KCNT2: variants seen among roughly 807,000 people sequenced by gnomAD.
KCNT2 encodes potassium channel subfamily T member 2.
Under a neutral mutation model 153.8 loss-of-function variants are expected in KCNT2, and 67 were observed. That is an observed-to-expected ratio of 0.44 (90% CI 0.36 to 0.53). The LOEUF (loss-of-function observed/expected upper bound fraction) is 0.53, where lower values mean the gene tolerates loss of function less well. Ranked by LOEUF, KCNT2 falls within the 20% of genes least tolerant of loss-of-function variation. KCNT2 has a pLI of 0.00. For missense variants in KCNT2, 975 were observed against 1,354.8 expected (o/e 0.72, Z 4.40); for synonymous variants, 500 against 458.8 (o/e 1.09, Z -1.15).
At chr1:196,498,209 C>T (rs1013200563) in intron 1 of KCNT2, among the ~76,000 whole-genome samples, 3 of 152,100 alleles carry the variant, frequency 2.0e-5, no homozygotes, top group Non-Finnish European at 4.4e-5. Context: ...AATCAGGCCT[C>T]GTCATTTTAA....
chr1:196,462,349 C>T (rs1370598952), intron 8 of KCNT2, among the ~76,000 whole-genome samples: 1 of 151,554 alleles, frequency 6.6e-6, no homozygotes, highest in Admixed American at 6.6e-5. Context: ...GAGAGCGATG[C>T]TACCATTATC....
intron 13 of KCNT2, among the ~76,000 whole-genome samples, chr1:196,374,784 T>C (rs762266963): frequency 2.6e-5 from 4 of 151,760 alleles, no homozygotes; most frequent in Non-Finnish European, 4.4e-5. Flanking sequence ...CGGAATGTTA[T>C]TACTGTAGAA....
intron 4 of KCNT2, among the ~76,000 whole-genome samples, chr1:196,480,332 A>T (rs933962151): frequency 6.6e-6 from 1 of 152,212 alleles, no homozygotes; most frequent in Non-Finnish European, 1.5e-5. Context: ...ATTTAAAAGA[A>T]TATTAAAACA....
At chr1:196,269,465 G>A (rs1408805745) in intron 25 of KCNT2, among the ~76,000 whole-genome samples, 3 of 152,036 alleles carry the variant, frequency 2.0e-5, no homozygotes, top group Non-Finnish European at 4.4e-5. Context: ...GAAGTTTAGA[G>A]GTAAGCTCCC....
At chr1:196,416,539 C>G (rs1188811830) in intron 12 of KCNT2, among the ~76,000 whole-genome samples, 1 of 151,984 alleles carries the variant, frequency 6.6e-6, no homozygotes, top group African/African-American at 2.4e-5. Context: ...GCTACTCTAC[C>G]AAACTTTTCA....
At chr1:196,334,637 C>T (rs572605298) in intron 16 of KCNT2, among the ~76,000 whole-genome samples, 3 of 151,466 alleles carry the variant, frequency 2.0e-5, no homozygotes, top group South Asian at 2.1e-4. Flanking sequence ...TTTAAAATAT[C>T]GGAACTACTA....
At chr1:196,319,949 A>G (rs1440095186) in intron 19 of KCNT2, among the ~76,000 whole-genome samples, 4 of 151,798 alleles carry the variant, frequency 2.6e-5, no homozygotes, top group African/African-American at 7.2e-5. Flanking sequence ...AATGGGTACT[A>G]ATGCCTCTTA....
At chr1:196,569,072 T>C (rs1437321447) in intron 1 of KCNT2, among the ~76,000 whole-genome samples, 1 of 152,184 alleles carries the variant, frequency 6.6e-6, no homozygotes, top group Non-Finnish European at 1.5e-5. Flanking sequence ...ATCCTTTTCT[T>C]GATATCTTAA....
intron 8 of KCNT2, among the ~76,000 whole-genome samples, chr1:196,447,649 T>C (rs1469467727): frequency 6.6e-6 from 1 of 151,580 alleles, no homozygotes; most frequent in Non-Finnish European, 1.5e-5. Flanking sequence ...GGCTTATCAA[T>C]GGATTGAATA....
chr1:196,398,538 G>A (rs769223549), intron 13 of KCNT2, 25 bp downstream of exon 13: 6 of 1,276,348 alleles, frequency 4.7e-6, no homozygotes, highest in African/African-American at 1.5e-5. Context: ...AAATTCAATG[G>A]ATCTCATGCA....
chr1:196,451,108 A>T (rs1676122987), intron 8 of KCNT2, among the ~76,000 whole-genome samples: 1 of 150,372 alleles, frequency 6.7e-6, no homozygotes, highest in African/African-American at 2.4e-5. Flanking sequence ...GATTTTGATC[A>T]TTTTAATTAC....
intron 8 of KCNT2, among the ~76,000 whole-genome samples, chr1:196,455,035 C>T (rs1380410330): frequency 6.6e-6 from 1 of 152,014 alleles, no homozygotes; most frequent in Non-Finnish European, 1.5e-5. Flanking sequence ...CTAGTGGACT[C>T]TTGCATTCCC....
intron 17 of KCNT2, among the ~76,000 whole-genome samples, chr1:196,332,378 T>G (rs552381228): frequency 3.5e-4 from 53 of 152,312 alleles, no homozygotes; most frequent in Middle Eastern, 6.8e-3. Flanking sequence ...AACCTATCCC[T>G]GTTCCCATCC....
At chr1:196,592,313 C>G (rs1175266824) in intron 1 of KCNT2, among the ~76,000 whole-genome samples, 1 of 151,354 alleles carries the variant, frequency 6.6e-6, no homozygotes, top group Non-Finnish European at 1.5e-5. Flanking sequence ...CAACTGAAGT[C>G]ATGGAGACAG....
chr1:196,517,067 T>C (rs1322008694), intron 1 of KCNT2, among the ~76,000 whole-genome samples: 3 of 152,136 alleles, frequency 2.0e-5, no homozygotes, highest in African/African-American at 4.8e-5. Context: ...CGTATTTGCT[T>C]ACAGCCTTCA....
At chr1:196,470,135 AG>A (rs1677960572) in intron 5 of KCNT2, among the ~76,000 whole-genome samples, 1 of 152,168 alleles carries the variant, frequency 6.6e-6, no homozygotes, top group South Asian at 2.1e-4. Context: ...AGGAGTGGGA[AG>A]TTAGAAGAAA....
intron 12 of KCNT2, among the ~76,000 whole-genome samples, chr1:196,418,730 C>T (rs1459215799): frequency 6.6e-6 from 1 of 152,086 alleles, no homozygotes; most frequent in Non-Finnish European, 1.5e-5. Flanking sequence ...CTAATGGCTT[C>T]ATTTTAACTT....
rs1015859892 is a variant in KCNT2, at chr1:196,579,717, T to C, written c.95+28498A>G. Among the ~76,000 whole-genome samples, 14 of 151,982 alleles carry C rather than the reference T, an allele frequency of 9.2e-5. 1 individual carries two copies. The highest frequency in any genetic ancestry group is 8.5e-4 in the Admixed American group (13 of 15,244). On this transcript the variant is annotated intron_variant, in intron 1 of 27. Transcript: ENST00000294725. ...CATGTTGGCCAGGCTGGTCTGGAAC[T>C]CCTGACCTCATGTGATCCACCCACC...
At chr1:196,335,357 T>C (rs1349333273) in intron 16 of KCNT2, among the ~76,000 whole-genome samples, 1 of 152,134 alleles carries the variant, frequency 6.6e-6, no homozygotes, top group Non-Finnish European at 1.5e-5. Context: ...ATATGGTACA[T>C]AGGCTATATG....
Sources: allele counts gnomAD v4.1 joint callset (sites outside exome capture counted in the v4.1 genomes callset), GRCh38; gene constraint gnomAD v4.1.1; transcripts MANE v1.5; gene names NCBI Gene and HGNC (gene_info 2026-07-23, HGNC 2026-07-21).